The following GPC5 variants were observed in gnomAD, a reference collection of about 807,000 sequenced individuals.
The protein encoded by GPC5 is glypican-5.
In GPC5, 47 loss-of-function variants were observed where a neutral mutation model predicts 53.9. The observed-to-expected ratio is 0.87, with a 90% CI of 0.69 to 1.11. The LOEUF (loss-of-function observed/expected upper bound fraction) is 1.11, where lower values mean the gene tolerates loss of function less well. GPC5 is among the 50% of genes most tolerant of loss of function. The pLI is 0.00. For synonymous variants in GPC5, 286 were observed against 263.3 expected (o/e 1.09, Z -0.84); for missense variants, 748 against 713.1 (o/e 1.05, Z -0.56).
chr13:92,344,312 G>T (rs183100556), intron 7 of GPC5, among the ~76,000 whole-genome samples: 31 of 152,084 alleles, frequency 2.0e-4, no homozygotes, highest in African/African-American at 7.5e-4. Context: ...AACGACATGG[G>T]AGTAACCACC....
At chr13:92,791,403 G>A (rs1045143986) in intron 7 of GPC5, among the ~76,000 whole-genome samples, 3 of 149,168 alleles carry the variant, frequency 2.0e-5, no homozygotes, top group African/African-American at 7.5e-5. Context: ...GTAACTTTGT[G>A]AGTGTATGTG....
intron 2 of GPC5, among the ~76,000 whole-genome samples, chr13:91,532,368 C>T (rs573820940): frequency 1.3e-5 from 2 of 152,258 alleles, no homozygotes; most frequent in South Asian, 4.1e-4. Flanking sequence ...GAACTAATTG[C>T]AGCTTTCATC....
chr13:92,641,233 G>T (rs998146216), intron 7 of GPC5, among the ~76,000 whole-genome samples: 18 of 152,116 alleles, frequency 1.2e-4, no homozygotes, highest in African/African-American at 4.3e-4. Context: ...GAGGCATGTA[G>T]ATGTCTTGTA....
chr13:92,273,427 A>T (rs955148743), intron 7 of GPC5, among the ~76,000 whole-genome samples: 6 of 152,118 alleles, frequency 3.9e-5, no homozygotes, highest in Non-Finnish European at 8.8e-5. Flanking sequence ...AGGGATAATA[A>T]TAATATCTTT....
At chr13:92,384,979 T>G (rs1192082067) in intron 7 of GPC5, among the ~76,000 whole-genome samples, 1 of 152,114 alleles carries the variant, frequency 6.6e-6, no homozygotes, top group East Asian at 1.9e-4. Flanking sequence ...TACCTGGACC[T>G]TCAATGTAAA....
intron 2 of GPC5, among the ~76,000 whole-genome samples, chr13:91,673,544 G>T (rs1267133839): frequency 6.6e-6 from 1 of 152,164 alleles, no homozygotes; most frequent in Non-Finnish European, 1.5e-5. Context: ...CAAAGAGAGA[G>T]AAATTAGCTG....
intron 7 of GPC5, among the ~76,000 whole-genome samples, chr13:92,162,031 A>C (rs900135752): frequency 1.0e-4 from 14 of 137,620 alleles, no homozygotes; most frequent in African/African-American, 3.8e-4. Flanking sequence ...ATAAATTTGC[A>C]AAATAGTATG....
At chr13:92,336,185 T>C (rs1292690239) in intron 7 of GPC5, among the ~76,000 whole-genome samples, 1 of 152,202 alleles carries the variant, frequency 6.6e-6, no homozygotes, top group Non-Finnish European at 1.5e-5. Context: ...TAAATCCATG[T>C]TTCTACAGAT....
intron 1 of GPC5, among the ~76,000 whole-genome samples, chr13:91,444,884 A>G (rs1880677306): frequency 6.6e-6 from 1 of 152,166 alleles, no homozygotes; most frequent in South Asian, 2.1e-4. Context: ...CTTGTAGGGG[A>G]TATGTTTCAA....
intron 2 of GPC5, among the ~76,000 whole-genome samples, chr13:91,494,617 A>G (rs1392253995): frequency 1.3e-5 from 2 of 152,106 alleles, no homozygotes; most frequent in African/African-American, 2.4e-5. Context: ...CTTCTTATCA[A>G]TATCCCTAGT....
intron 7 of GPC5, among the ~76,000 whole-genome samples, chr13:92,325,527 T>C (rs2043244942): frequency 6.6e-6 from 1 of 152,058 alleles, no homozygotes; most frequent in Non-Finnish European, 1.5e-5. Flanking sequence ...GATGATTGTA[T>C]TCACTGTGGT....
At chr13:91,865,216 G>C (rs940730995) in intron 5 of GPC5, among the ~76,000 whole-genome samples, 1 of 151,988 alleles carries the variant, frequency 6.6e-6, no homozygotes, top group Non-Finnish European at 1.5e-5. Context: ...GCCTGTTTTT[G>C]TCTTAATTTT....
chr13:91,935,535 A>T (rs913412140), intron 6 of GPC5, among the ~76,000 whole-genome samples: 2 of 151,936 alleles, frequency 1.3e-5, no homozygotes, highest in Admixed American at 6.6e-5. Flanking sequence ...AGCCTCTAGA[A>T]TTGTAAAGAA....
At chr13:92,544,200 A>T (rs1305318024) in intron 7 of GPC5, among the ~76,000 whole-genome samples, 2 of 152,012 alleles carry the variant, frequency 1.3e-5, no homozygotes, top group African/African-American at 4.8e-5. Context: ...TATTTCCATC[A>T]CCACCCATCC....
At position 92,638,586 on chromosome 13, in the gene GPC5, GTCTC is replaced by G. The variant is rs199680401; in HGVS notation, c.1562-227690_1562-227687del. 1.0e-2 allele frequency among the ~76,000 whole-genome samples: 1,513 copies of G among 151,910 alleles called. 33 individuals are homozygous for G. Among genetic ancestry groups the G allele is most frequent in the African/African-American group, 0.035 (1,428 of 41,262 alleles). On this transcript the variant is annotated intron_variant, in intron 7 of 7. Transcript: ENST00000377067. ...TACTCCTCTTTCTCAGATTTTCTTAGTCTCTCTCTAAGCTCTACAGAAGTGTCTT... is the reference window on the plus strand; with the variant it reads ...TACTCCTCTTTCTCAGATTTTCTTAGTCTCTAAGCTCTACAGAAGTGTCTT...
At chr13:91,808,440 G>A (rs9515976) in intron 5 of GPC5, among the ~76,000 whole-genome samples, 49,486 of 151,804 alleles carry the variant, frequency 0.33, 9,504 homozygotes, top group East Asian at 0.64. Flanking sequence ...CTGAACACGT[G>A]GACTCTAATT....
chr13:92,400,115 G>A (rs1388871454), intron 7 of GPC5, among the ~76,000 whole-genome samples: 6 of 152,158 alleles, frequency 3.9e-5, no homozygotes, highest in Admixed American at 3.9e-4. Flanking sequence ...AAAAGGACTG[G>A]AGTAGGAGAA....
chr13:92,078,774 G>A (rs1055615698), intron 6 of GPC5, among the ~76,000 whole-genome samples: 1 of 152,126 alleles, frequency 6.6e-6, no homozygotes, highest in East Asian at 1.9e-4. Flanking sequence ...ACCATAACGT[G>A]GGGAGGGGTT....
At chr13:92,185,761 C>T (rs1274267454) in intron 7 of GPC5, among the ~76,000 whole-genome samples, 1 of 151,902 alleles carries the variant, frequency 6.6e-6, no homozygotes, top group African/African-American at 2.4e-5. Context: ...AGCTTATGAC[C>T]CTGTGTTGCA....
Sources: allele counts gnomAD v4.1 joint callset (sites outside exome capture counted in the v4.1 genomes callset), GRCh38; gene constraint gnomAD v4.1.1; transcripts MANE v1.5; gene names NCBI Gene and HGNC (gene_info 2026-07-23, HGNC 2026-07-21).